ROBO2: variants seen among roughly 807,000 people sequenced by gnomAD.
ROBO2 encodes roundabout homolog 2.
ROBO2 carries 53 observed loss-of-function variants against 160.8 expected under a neutral mutation model. The observed-to-expected ratio is 0.33, with a 90% CI of 0.26 to 0.41. The LOEUF is 0.41. Among genes scored for constraint, ROBO2 ranks in the 10% least tolerant of loss-of-function variants. ROBO2 has a pLI of 1.00. For synonymous variants in ROBO2, 664 were observed against 611.7 expected, an observed-to-expected ratio of 1.09 and a Z score of -1.26; for missense variants, 1,577 against 1,722.4, an observed-to-expected ratio of 0.92 and a Z score of 1.49.
At chr3:76,301,447 A>C (rs2107740253) in intron 2 of ROBO2, among the ~76,000 whole-genome samples, 1 of 152,188 alleles carries the variant, frequency 6.6e-6, no homozygotes, top group Non-Finnish European at 1.5e-5. Flanking sequence ...TGGGATACAC[A>C]TTGGTGAAGA....
chr3:76,874,419 C>G (rs1038002419), intron 2 of ROBO2, among the ~76,000 whole-genome samples: 1 of 152,070 alleles, frequency 6.6e-6, no homozygotes, highest in Non-Finnish European at 1.5e-5. Flanking sequence ...TCTAAGGGTG[C>G]TCTTGCTTTC....
chr3:77,431,863 T>C (rs534373754), intron 2 of ROBO2, among the ~76,000 whole-genome samples: 1 of 152,258 alleles, frequency 6.6e-6, no homozygotes, highest in African/African-American at 2.4e-5. Context: ...ACAAGAAAGA[T>C]TCAATAACGT....
intron 23 of ROBO2, chr3:77,632,611 G>A (rs2095188114): frequency 1.3e-6 from 2 of 1,535,694 alleles, no homozygotes; most frequent in Non-Finnish European, 1.7e-6. Flanking sequence ...GGCAGCAGCA[G>A]ATAAAGCTGG....
At chr3:77,041,918 C>T (rs2064141907) in intron 1 of ROBO2, among the ~76,000 whole-genome samples, 1 of 152,188 alleles carries the variant, frequency 6.6e-6, no homozygotes, top group Non-Finnish European at 1.5e-5. Context: ...CTTGTTGCCA[C>T]ATAAACTTTC....
chr3:76,747,389 A>G (rs2093911330), intron 2 of ROBO2, among the ~76,000 whole-genome samples: 2 of 152,130 alleles, frequency 1.3e-5, no homozygotes, highest in African/African-American at 4.8e-5. Context: ...TATCTTTCAT[A>G]GAATTTTAAC....
intron 2 of ROBO2, among the ~76,000 whole-genome samples, chr3:76,839,843 T>A (rs1576973959): frequency 6.6e-6 from 1 of 152,224 alleles, no homozygotes; most frequent in Non-Finnish European, 1.5e-5. Context: ...TTGATCTCAT[T>A]ACCTGTTATT....
At position 76,207,295 on chromosome 3, in the gene ROBO2, GTAGT is replaced by G. The variant is rs1471691464; in HGVS notation, c.109+269696_109+269699del. Among the ~76,000 whole-genome samples, 4 of 152,032 alleles carry G rather than the reference GTAGT, an allele frequency of 2.6e-5. No homozygotes were observed. In the East Asian group the frequency reaches 7.7e-4, roughly 29 times the overall value. ...TAACCGATATGTTTACAAATTAGTG[GTAGT>G]TAAATATATTCTTAAAACAATTTTG... On this transcript the variant is annotated intron_variant, in intron 2 of 26. Transcript: ENST00000487694.
At chr3:77,117,157 T>G (rs1259579824) in intron 2 of ROBO2, among the ~76,000 whole-genome samples, 1 of 152,222 alleles carries the variant, frequency 6.6e-6, no homozygotes, top group African/African-American at 2.4e-5. Context: ...TGTGATATTT[T>G]TATAACATTT....
At chr3:77,323,683 A>T (rs574072769) in intron 2 of ROBO2, among the ~76,000 whole-genome samples, 1 of 152,262 alleles carries the variant, frequency 6.6e-6, no homozygotes, top group South Asian at 2.1e-4. Context: ...TCTTTTAAAG[A>T]TGAAACTCCT....
chr3:77,483,076 T>C, intron 4 of ROBO2, among the ~76,000 whole-genome samples: 1 of 152,148 alleles, frequency 6.6e-6, no homozygotes, highest in Admixed American at 6.6e-5. Flanking sequence ...TGAAAATAGC[T>C]ATTATCCAAA....
At chr3:77,501,649 A>G (rs1466070988) in intron 5 of ROBO2, among the ~76,000 whole-genome samples, 3 of 152,144 alleles carry the variant, frequency 2.0e-5, no homozygotes, top group Non-Finnish European at 2.9e-5. Flanking sequence ...GAAAAATTGT[A>G]TAATTCTATG....
chr3:77,398,947 G>A (rs376220350), intron 2 of ROBO2, among the ~76,000 whole-genome samples: 1 of 152,072 alleles, frequency 6.6e-6, no homozygotes, highest in Non-Finnish European at 1.5e-5. Flanking sequence ...GGAGTTAATA[G>A]AAGTTATTTT....
intron 2 of ROBO2, among the ~76,000 whole-genome samples, chr3:76,297,098 G>A (rs1256931726): frequency 2.6e-5 from 4 of 152,126 alleles, no homozygotes; most frequent in Admixed American, 6.5e-5. Context: ...TAGTTCAGAG[G>A]CAATTGTCTG....
At chr3:77,569,015 T>G (rs2093568486) in intron 13 of ROBO2, among the ~76,000 whole-genome samples, 1 of 152,014 alleles carries the variant, frequency 6.6e-6, no homozygotes, top group South Asian at 2.1e-4. Context: ...CAAATAGTAT[T>G]CCATTTTATG....
chr3:77,066,221 G>A (rs988434505), intron 1 of ROBO2, among the ~76,000 whole-genome samples: 3 of 152,056 alleles, frequency 2.0e-5, no homozygotes, highest in Admixed American at 6.6e-5. Flanking sequence ...CCACTTCCTT[G>A]TCTTAGTAGT....
At chr3:76,548,078 T>G (rs2083209594) in intron 2 of ROBO2, among the ~76,000 whole-genome samples, 1 of 152,172 alleles carries the variant, frequency 6.6e-6, no homozygotes, top group Non-Finnish European at 1.5e-5. Flanking sequence ...GGTGCATATA[T>G]AAAACTCACT....
chr3:77,149,992 A>T (rs1216721797), intron 2 of ROBO2, among the ~76,000 whole-genome samples: 2 of 152,214 alleles, frequency 1.3e-5, no homozygotes, highest in Non-Finnish European at 2.9e-5. Flanking sequence ...TTCCTCAGGA[A>T]AATGTCACAT....
chr3:77,382,346 CTTTTTT>C (rs58518864), intron 2 of ROBO2, among the ~76,000 whole-genome samples: 22,829 of 134,950 alleles, frequency 0.17, 2,502 homozygotes, highest in East Asian at 0.51. Context: ...AACACATGTC[CTTTTTT>C]TTTTTTTTTT....
At chr3:77,413,562 G>C (rs747060110) in intron 2 of ROBO2, among the ~76,000 whole-genome samples, 2 of 152,188 alleles carry the variant, frequency 1.3e-5, no homozygotes, top group African/African-American at 2.4e-5. Flanking sequence ...GTTCAGTTGA[G>C]AATTTCCCAC....
Sources: gnomAD v4.1 joint callset for allele counts (sites outside exome capture counted in the v4.1 genomes callset) on GRCh38, gnomAD v4.1.1 for gene constraint, MANE v1.5 for transcripts, NCBI Gene and HGNC (gene_info 2026-07-23, HGNC 2026-07-21) for gene names.